ENOX1: variants seen among roughly 807,000 people sequenced by gnomAD.
ENOX1 encodes candidate growth-related and time keeping constitutive hydroquinone (NADH) oxidase.
In ENOX1, 42 loss-of-function variants were observed where a neutral mutation model predicts 82.5. That is an observed-to-expected ratio of 0.51 (90% confidence interval 0.40 to 0.66). ENOX1 has a LOEUF of 0.66. Among genes scored for constraint, ENOX1 ranks in the 30% least tolerant of loss-of-function variants. The pLI, the probability that ENOX1 is intolerant of heterozygous loss-of-function variation, is 0.00. For synonymous variants in ENOX1, 271 were observed against 282.2 expected (o/e 0.96, Z 0.40); for missense variants, 608 against 811.6 (o/e 0.75, Z 3.05).
intron 16 of ENOX1, among the ~76,000 whole-genome samples, chr13:43,221,546 G>A (rs2041789598): frequency 6.6e-6 from 1 of 152,168 alleles, no homozygotes; most frequent in African/African-American, 2.4e-5. Flanking sequence ...TCCTCTGAAT[G>A]AATCTTCCTT....
chr13:43,404,343 C>T (rs1030946336), intron 5 of ENOX1, among the ~76,000 whole-genome samples: 3 of 152,202 alleles, frequency 2.0e-5, no homozygotes, highest in African/African-American at 7.2e-5. Flanking sequence ...GGCCCACATA[C>T]ACCCACTTTT....
chr13:43,529,636 T>C (rs1314836369), intron 2 of ENOX1, among the ~76,000 whole-genome samples: 1 of 152,110 alleles, frequency 6.6e-6, no homozygotes, highest in Non-Finnish European at 1.5e-5. Context: ...AATTTGTGTG[T>C]GGACGACATG....
intron 2 of ENOX1, among the ~76,000 whole-genome samples, chr13:43,624,359 C>T (rs531196212): frequency 4.5e-4 from 68 of 152,090 alleles, no homozygotes; most frequent in Non-Finnish European, 7.8e-4. Context: ...ATATTTTCTC[C>T]GAATCCATAG....
intron 5 of ENOX1, among the ~76,000 whole-genome samples, chr13:43,397,206 T>C (rs1232190013): frequency 6.6e-6 from 1 of 152,254 alleles, no homozygotes; most frequent in Non-Finnish European, 1.5e-5. Context: ...TTTTTCTAAA[T>C]TGCCTTTTTC....
intron 1 of ENOX1, among the ~76,000 whole-genome samples, chr13:43,718,676 CAAAAAAAAAAAAAAAAAAAA>C (rs61671392): frequency 3.1e-4 from 17 of 55,592 alleles, no homozygotes; most frequent in African/African-American, 1.2e-3. Context: ...GACTCCGTCT[CAAAAAAAAAAAAAAAAAAAA>C]AAAAAAAAAA....
At chr13:43,399,270 G>GT (rs567738960) in intron 5 of ENOX1, among the ~76,000 whole-genome samples, 2 of 152,168 alleles carry the variant, frequency 1.3e-5, no homozygotes, top group African/African-American at 2.4e-5. Flanking sequence ...TTATATGTAA[G>GT]TTTTTTACTG....
At chr13:43,530,531 C>T (rs988694658) in intron 2 of ENOX1, among the ~76,000 whole-genome samples, 7 of 152,070 alleles carry the variant, frequency 4.6e-5, no homozygotes, top group Non-Finnish European at 1.0e-4. Flanking sequence ...TATTATGCAA[C>T]CCCAGGATTT....
intron 14 of ENOX1, among the ~76,000 whole-genome samples, chr13:43,247,645 G>A (rs981435445): frequency 2.0e-5 from 3 of 150,072 alleles, no homozygotes; most frequent in Non-Finnish European, 4.4e-5. Context: ...TTCAGGCTGG[G>A]AATACCCCTT....
intron 12 of ENOX1, among the ~76,000 whole-genome samples, chr13:43,269,820 T>C (rs1403558658): frequency 6.6e-6 from 1 of 152,222 alleles, no homozygotes; most frequent in African/African-American, 2.4e-5. Flanking sequence ...AAGGCATCAT[T>C]ATATTCCTTT....
chr13:43,218,767 C>G (rs757742108), intron 16 of ENOX1, among the ~76,000 whole-genome samples: 29 of 152,160 alleles, frequency 1.9e-4, no homozygotes, highest in Non-Finnish European at 2.5e-4. Context: ...TTTCCCCTAC[C>G]CTGACAAAAT....
intron 2 of ENOX1, among the ~76,000 whole-genome samples, chr13:43,648,244 C>T (rs953968555): frequency 1.3e-5 from 2 of 152,176 alleles, no homozygotes; most frequent in Non-Finnish European, 2.9e-5. Context: ...ATTTACTCAC[C>T]AATTCATTCA....
intron 2 of ENOX1, among the ~76,000 whole-genome samples, chr13:43,627,144 G>T (rs1332504534): frequency 6.6e-6 from 1 of 151,730 alleles, no homozygotes; most frequent in Admixed American, 6.6e-5. Flanking sequence ...TATCTTTTCT[G>T]CCCTTTTATT....
chr13:43,298,236 G>T, intron 12 of ENOX1, 110 bp downstream of exon 12: 2 of 1,161,126 alleles, frequency 1.7e-6, no homozygotes, highest in Non-Finnish European at 2.3e-6. Flanking sequence ...TAGCTTTTTG[G>T]TTGTCATTTC....
intron 9 of ENOX1, among the ~76,000 whole-genome samples, chr13:43,327,488 T>C (rs755763138): frequency 2.8e-4 from 43 of 152,198 alleles, no homozygotes; most frequent in Admixed American, 4.6e-4. Flanking sequence ...AGACTTAATC[T>C]TGCTTAAACA....
At chr13:43,570,287 G>A (rs1321649249) in intron 2 of ENOX1, among the ~76,000 whole-genome samples, 1 of 152,140 alleles carries the variant, frequency 6.6e-6, no homozygotes, top group Non-Finnish European at 1.5e-5. Flanking sequence ...AAGGGGTTTG[G>A]AGCTGAAGAT....
chr13:43,768,094 T>C (rs1951384058), intron 1 of ENOX1, among the ~76,000 whole-genome samples: 1 of 152,246 alleles, frequency 6.6e-6, no homozygotes, highest in South Asian at 2.1e-4. Flanking sequence ...CACTAAGTAC[T>C]CTACAACCTA....
At chr13:43,708,768 A>G (rs999646764) in intron 1 of ENOX1, among the ~76,000 whole-genome samples, 1 of 152,252 alleles carries the variant, frequency 6.6e-6, no homozygotes, top group Non-Finnish European at 1.5e-5. Context: ...AGAGCTACAT[A>G]TAAAAACTAA....
chr13:43,406,635 G>C (rs2153594888), intron 5 of ENOX1, among the ~76,000 whole-genome samples: 1 of 151,992 alleles, frequency 6.6e-6, no homozygotes, highest in Non-Finnish European at 1.5e-5. Flanking sequence ...TGGGACTACA[G>C]GTGCCCGCCA....
At chr13:43,261,445 A>G in intron 14 of ENOX1, among the ~76,000 whole-genome samples, 1 of 152,218 alleles carries the variant, frequency 6.6e-6, no homozygotes, top group East Asian at 1.9e-4. Context: ...ATGAGATGCA[A>G]CCAAGATTTA....
Sources: allele counts gnomAD v4.1 joint callset (sites outside exome capture counted in the v4.1 genomes callset), GRCh38; gene constraint gnomAD v4.1.1; transcripts MANE v1.5; gene names NCBI Gene and HGNC (gene_info 2026-07-23, HGNC 2026-07-21).